WDR91: variants seen among roughly 807,000 people sequenced by gnomAD.
The protein encoded by WDR91 is WD repeat-containing protein 91.
WDR91 carries 52 observed loss-of-function variants against 88.4 expected under a neutral mutation model. That is an observed-to-expected ratio of 0.59 (90% CI 0.47 to 0.74). WDR91 has a LOEUF of 0.74. Ranked by LOEUF, WDR91 falls within the 30% of genes least tolerant of loss-of-function variation. The probability of loss-of-function intolerance (pLI) is 0.00; values close to 1 mark genes in which losing one functional copy is unlikely to be tolerated. For synonymous variants in WDR91, 362 were observed against 389.5 expected (o/e 0.93, Z 0.83); for missense variants, 824 against 954.5 (o/e 0.86, Z 1.80).
At chr7:135,207,057 T>C (rs1159907461) in intron 4 of WDR91, 63 bp downstream of exon 4, 17 of 1,420,202 alleles carry the variant, frequency 1.2e-5, no homozygotes, top group Non-Finnish European at 1.7e-5. Flanking sequence ...CCACTGCCAC[T>C]ACCTAATTTC....
chr7:135,194,898 C>T, intron 9 of WDR91, 36 bp downstream of exon 9: 1 of 1,609,922 alleles, frequency 6.2e-7, no homozygotes, highest in Non-Finnish European at 8.5e-7. Context: ...CTCCACTGAG[C>T]CAGCAAAGCG....
Position 135,209,685 on chromosome 7 carries a change from C to A in WDR91, c.194G>T (p.Trp65Leu). 1 of 1,613,664 alleles carries A rather than the reference C, an allele frequency of 6.2e-7. No individual in the cohort carries two copies. The highest frequency in any genetic ancestry group is 8.5e-7 in the Non-Finnish European group (1 of 1,179,788). ...GAAGAGCCGACGCTCCAAGTAGCTC[C>A]AATAATCCCGAAGGGCAGCCAAGTC... Reference protein sequence around the residue: ...VYDLAALRDYWSYLERRLFSR... With the variant: ...VYDLAALRDYLSYLERRLFSR... Residue 65 changes from tryptophan (W) to leucine (L), a missense_variant, in exon 2 of 15, where the codon TGG becomes TTG. Transcript: ENST00000354475.
chr7:135,190,873 G>A (rs1023529615), intron 11 of WDR91, among the ~76,000 whole-genome samples: 1 of 152,156 alleles, frequency 6.6e-6, no homozygotes, highest in Non-Finnish European at 1.5e-5. Flanking sequence ...TATGGAATGG[G>A]AGTTCCAGAA....
Position 135,211,364 on chromosome 7 carries a change from C to G in WDR91, c.123+16G>C, listed in dbSNP as rs751440461. ...TCGGGCCGCCTCTGCCCGCGCCGCT[C>G]CCGCCGGCCTCTCACCCGGAACCCC... On this transcript the variant is annotated intron_variant, in intron 1 of 14. Coordinates refer to ENST00000354475, the MANE Select transcript of WDR91 (RefSeq NM_014149.4). 6.2e-7 allele frequency: 1 copy of G among 1,602,116 alleles called. No individual in the cohort carries two copies. The highest frequency in any genetic ancestry group is 2.3e-5 in the East Asian group (1 of 44,068).
intron 6 of WDR91, chr7:135,202,366 C>T (rs1045385510): frequency 6.6e-6 from 1 of 152,190 alleles, no homozygotes; most frequent in Admixed American, 6.5e-5. Flanking sequence ...AACAAGTGAC[C>T]TGACTATTGG....
rs1562955730 is a variant in WDR91, at chr7:135,204,301, C to T, written c.858G>A (p.Gln286=). The part of the protein sequence containing the change: ...LSPAQGPPQP[Q]SSAKKESFGG... ...CGAAGGACTCTTTCTTGGCCGAGCT[C>T]TGAGGTTGAGGAGGGCCCTGAGCAG... is the stretch of plus-strand genomic sequence containing the variant. Residue 286 remains glutamine, a synonymous_variant, in exon 6 of 15, where the codon CAG becomes CAA. Coordinates refer to ENST00000354475, the MANE Select transcript of WDR91 (RefSeq NM_014149.4). 4 of 1,614,130 alleles carry T rather than the reference C, an allele frequency of 2.5e-6. No individual in the cohort carries two copies. The highest frequency in any genetic ancestry group is 8.5e-7 in the Non-Finnish European group (1 of 1,180,018).
At chr7:135,192,641 G>A (rs1260995433) in intron 11 of WDR91, among the ~76,000 whole-genome samples, 1 of 152,228 alleles carries the variant, frequency 6.6e-6, no homozygotes, top group Non-Finnish European at 1.5e-5. Flanking sequence ...GGAGCCTTGA[G>A]CTTCCAGCAG....
chr7:135,196,456 G>A lies in WDR91; in HGVS notation c.1051-119C>T. On this transcript the variant is annotated intron_variant, in intron 7 of 14. Transcript: ENST00000354475. The surrounding 1 kb of genome is among the most constrained non-coding windows in gnomAD (Gnocchi z 4.2). ...TTGCGGGGTTCTCGGTAATTACAGA[G>A]TGGAGAGGAGAGCTCTGACCTGCGA... is the stretch of plus-strand genomic sequence containing the variant. 1 of 989,146 alleles carries A rather than the reference G, an allele frequency of 1.0e-6. No individual in the cohort carries two copies. The highest frequency in any genetic ancestry group is 1.4e-6 in the Non-Finnish European group (1 of 707,980). The allele number at this position is 989,146 out of a possible 1,614,324, so 61.3% of individuals were successfully genotyped here. A position where few individuals can be genotyped will look rare whatever the true frequency, so the allele number is the denominator to read the frequency against.
rs2117737799 is a variant in WDR91, at chr7:135,210,758, G to A, written c.123+622C>T. ...CTCCTAACTCCCCTCCAGTGCTCTT[G>A]CTGTTAGCTCACTGCCTCTCATTGA... On this transcript the variant is annotated intron_variant, in intron 1 of 14. Coordinates refer to ENST00000354475, the MANE Select transcript of WDR91 (RefSeq NM_014149.4). 1.1e-5 allele frequency: 8 copies of A among 703,464 alleles called. No individual in the cohort carries two copies. In the East Asian group the frequency reaches 2.1e-4, roughly 19 times the overall value. 43.6% of individuals were successfully genotyped at this position (703,464 alleles called of 1,614,324 possible).
chr7:135,193,892 T>C (rs292574), intron 9 of WDR91: 386,487 of 544,406 alleles, frequency 0.71, 138,739 homozygotes, highest in Admixed American at 0.8. Context: ...CCACAAAAAG[T>C]ATCTGTGGAA....
In WDR91 at chr7:135,198,156, A is replaced by C. The variant is rs1831443193; in HGVS notation, c.892-5T>G. On this transcript the variant is annotated splice_region_variant and splice_polypyrimidine_tract_variant and intron_variant, in intron 6 of 14. Coordinates refer to ENST00000354475, the MANE Select transcript of WDR91 (RefSeq NM_014149.4). ...CGGGTCCTTTCCCTTGGTGCCCTAG[A>C]GGAAAAGAAGCTGGCTGTGAAGTCT... is the stretch of plus-strand genomic sequence containing the variant. The C allele has an allele frequency of 3.1e-6, 5 of 1,609,474 alleles. No homozygotes were observed. The highest frequency in any genetic ancestry group is 4.2e-6 in the Non-Finnish European group (5 of 1,177,678).
rs149535488 is a variant in WDR91, at chr7:135,204,320, T to C, written c.839A>G (p.Gln280Arg). 4.2e-4 allele frequency: 677 copies of C among 1,614,170 alleles called. 3 individuals are homozygous for C. The highest frequency in any genetic ancestry group is 1.2e-3 in the Admixed American group (75 of 60,022). Residue 280 changes from glutamine to arginine, a missense_variant, in exon 6 of 15, where the codon CAG becomes CGG. Coordinates refer to ENST00000354475, the MANE Select transcript of WDR91 (RefSeq NM_014149.4). Reference sequence around the variant, plus strand: ...CGAGCTCTGAGGTTGAGGAGGGCCCTGAGCAGGCGACAACCTTGAGGGGCT... The same window carrying C: ...CGAGCTCTGAGGTTGAGGAGGGCCCCGAGCAGGCGACAACCTTGAGGGGCT... The part of the protein sequence containing the change: ...KKSPSRLSPA[Q>R]GPPQPQSSAK...
At position 135,209,688 on chromosome 7, in the gene WDR91, T is replaced by C. The variant is rs757778400; in HGVS notation, c.191A>G (p.Tyr64Cys). ...QVYDLAALRDYWSYLERRLFS... is the reference protein window; with the variant it reads ...QVYDLAALRDCWSYLERRLFS... ...GAGCCGACGCTCCAAGTAGCTCCAA[T>C]AATCCCGAAGGGCAGCCAAGTCATA... is the stretch of plus-strand genomic sequence containing the variant. The change falls in exon 2 of 15, where the codon TAT becomes TGT. Residue 64 changes from tyrosine to cysteine, a missense_variant. Physicochemically the swap from Tyr to Cys is radical, Grantham distance 194. Transcript: ENST00000354475. The C allele has an allele frequency of 3.1e-6, 5 of 1,613,664 alleles. No individual in the cohort carries two copies. In the South Asian group the frequency reaches 4.4e-5, roughly 14 times the overall value.
chr7:135,207,055 A>G, intron 4 of WDR91, 65 bp downstream of exon 4: 1 of 1,396,898 alleles, frequency 7.2e-7, no homozygotes. Context: ...TTCCACTGCC[A>G]CTACCTAATT....
rs145388682 is a variant in WDR91, at chr7:135,203,591, C to A, written c.891+677G>T. On this transcript the variant is annotated intron_variant, in intron 6 of 14. Coordinates refer to ENST00000354475, the MANE Select transcript of WDR91 (RefSeq NM_014149.4). ...CCTTTGCAGAATCAGCAAATACCAA[C>A]TTGTAGGCAAAATGCATGGATTCAG... Among the ~76,000 whole-genome samples the A allele has an allele frequency of 5.1e-3, 774 of 152,310 alleles. 8 individuals carry two copies. The highest frequency in any genetic ancestry group is 7.1e-3 in the Non-Finnish European group (481 of 68,014).
intron 6 of WDR91, among the ~76,000 whole-genome samples, chr7:135,203,950 G>A (rs1831666306): frequency 6.6e-6 from 1 of 152,206 alleles, no homozygotes; most frequent in East Asian, 1.9e-4. Flanking sequence ...AAACACCACA[G>A]TGCCTGCAGT....
intron 14 of WDR91, 57 bp downstream of exon 14, chr7:135,186,915 G>T (rs1417606207): frequency 3.7e-6 from 6 of 1,604,468 alleles, no homozygotes; most frequent in Non-Finnish European, 4.3e-6. Context: ...CAGACCTCCA[G>T]GGAGGAACCC....
In WDR91 at chr7:135,188,445, G is replaced by A. The variant is rs1164218407; in HGVS notation, c.1869C>T (p.Gly623=). 2 of 1,613,824 alleles carry A rather than the reference G, an allele frequency of 1.2e-6. No homozygotes were observed. Among genetic ancestry groups the A allele is most frequent in the South Asian group, 1.1e-5 (1 of 91,080 alleles). ...SYDENTVYSI[G]EDGKFIQWNI... ...TGCAGCCGCCTACCTTCCCGTCCTCGCCGATGCTGTACACGGTGTTCTCAT... is the reference window on the plus strand; with the variant it reads ...TGCAGCCGCCTACCTTCCCGTCCTCACCGATGCTGTACACGGTGTTCTCAT... Residue 623 remains glycine, a synonymous_variant, in exon 13 of 15, where the codon GGC becomes GGT. Coordinates refer to ENST00000354475, the MANE Select transcript of WDR91 (RefSeq NM_014149.4).
intron 6 of WDR91, among the ~76,000 whole-genome samples, chr7:135,201,034 T>C (rs1374067070): frequency 1.3e-5 from 2 of 152,200 alleles, no homozygotes; most frequent in African/African-American, 4.8e-5. Context: ...TTCAGGGCAG[T>C]GGTTGTGACC....
Sources: gnomAD v4.1 joint callset for allele counts (sites outside exome capture counted in the v4.1 genomes callset) on GRCh38, gnomAD v4.1.1 for gene constraint, Gnocchi (gnomAD v3.1) non-coding constraint, MANE v1.5 for transcripts, NCBI Gene and HGNC (gene_info 2026-07-23, HGNC 2026-07-21) for gene names.